DNAI1: variants seen among roughly 807,000 people sequenced by gnomAD.
DNAI1 encodes the protein dynein axonemal intermediate chain 1.
In DNAI1, 67 loss-of-function variants were observed where a neutral mutation model predicts 92.0. The observed-to-expected ratio is 0.73, with a 90% confidence interval of 0.60 to 0.89. DNAI1 has a LOEUF of 0.89. Among genes scored for constraint, DNAI1 ranks in the 40% least tolerant of loss-of-function variants. The pLI is 0.00. For synonymous variants in DNAI1, 323 were observed against 319.6 expected, an observed-to-expected ratio of 1.01 and a Z score of -0.11; for missense variants, 839 against 866.6, an observed-to-expected ratio of 0.97 and a Z score of 0.40.
At chr9:34,473,299 T>C (rs555301430) in intron 1 of DNAI1, among the ~76,000 whole-genome samples, 90 of 150,316 alleles carry the variant, frequency 6.0e-4, no homozygotes, top group Non-Finnish European at 1.1e-3. Flanking sequence ...TTATTATTAT[T>C]ATTATTATTT....
chr9:34,492,621 G>A (rs1353282043), intron 8 of DNAI1, among the ~76,000 whole-genome samples: 2 of 149,246 alleles, frequency 1.3e-5, no homozygotes, highest in East Asian at 4.0e-4. Flanking sequence ...CTGGGCTCAA[G>A]CGATCCTCCC....
intron 12 of DNAI1, among the ~76,000 whole-genome samples, chr9:34,502,345 C>T (rs1221549113): frequency 6.6e-6 from 1 of 152,184 alleles, no homozygotes; most frequent in Non-Finnish European, 1.5e-5. Flanking sequence ...GCACATTCCT[C>T]CCCCTCTGCT....
At chr9:34,501,096 T>C in intron 11 of DNAI1, 42 bp from the exon 12 acceptor site, 5 of 1,562,694 alleles carry the variant, frequency 3.2e-6, no homozygotes, top group Middle Eastern at 1.7e-4. Context: ...AGGAGGGCCA[T>C]GTTCATTTCC....
intron 4 of DNAI1, among the ~76,000 whole-genome samples, chr9:34,486,981 C>T (rs1236346930): frequency 6.6e-6 from 1 of 152,182 alleles, no homozygotes; most frequent in African/African-American, 2.4e-5. Flanking sequence ...ATAATATTCA[C>T]TTGTATGAAT....
In DNAI1 at chr9:34,517,332, C is replaced by A; in HGVS notation, c.1866C>A (p.Asn622Lys). The change falls in exon 19 of 20, where the codon AAC (asparagine) becomes AAA (lysine). Residue 622 changes from asparagine to lysine, a missense_variant. Physicochemically the swap from Asn to Lys is moderately conservative, Grantham distance 94. Transcript: ENST00000242317. Reference sequence around the variant, plus strand: ...TCAACAAGTATGAGGCCATCTGCAACCAGCCTGTGGCGGCCAAAAAGAACA... The same window carrying A: ...TCAACAAGTATGAGGCCATCTGCAAACAGCCTGTGGCGGCCAAAAAGAACA... Reference protein sequence around the residue: ...LAINKYEAICNQPVAAKKNRL... With the variant: ...LAINKYEAICKQPVAAKKNRL... 6.8e-6 allele frequency: 11 copies of A among 1,614,144 alleles called. No homozygotes were observed. The highest frequency in any genetic ancestry group is 9.3e-6 in the Non-Finnish European group (11 of 1,180,036).
chr9:34,491,896 A>G (rs1824607095), intron 8 of DNAI1, among the ~76,000 whole-genome samples: 1 of 152,150 alleles, frequency 6.6e-6, no homozygotes, highest in Non-Finnish European at 1.5e-5. Flanking sequence ...TGACTCTGTG[A>G]CTGACTCCAA....
chr9:34,505,063 T>C (rs367600282), intron 12 of DNAI1, among the ~76,000 whole-genome samples: 13 of 152,330 alleles, frequency 8.5e-5, no homozygotes, highest in African/African-American at 3.1e-4. Flanking sequence ...CAATTTTCCC[T>C]AAATGTCTAC....
intron 2 of DNAI1, among the ~76,000 whole-genome samples, chr9:34,484,170 G>A (rs985933375): frequency 6.6e-6 from 1 of 152,168 alleles, no homozygotes; most frequent in African/African-American, 2.4e-5. Flanking sequence ...AGCCGAGATC[G>A]TGCCGCTGCA....
chr9:34,518,177 G>C (rs1276420293), intron 19 of DNAI1, among the ~76,000 whole-genome samples: 2 of 152,260 alleles, frequency 1.3e-5, no homozygotes, highest in Non-Finnish European at 1.5e-5. Flanking sequence ...GCTAAGAGTA[G>C]AGATGGCTCT....
intron 19 of DNAI1, among the ~76,000 whole-genome samples, chr9:34,520,290 G>C (rs1462913058): frequency 1.3e-5 from 2 of 152,160 alleles, no homozygotes. Context: ...CCTTCCCATG[G>C]TAAGGATGGT....
intron 1 of DNAI1, among the ~76,000 whole-genome samples, chr9:34,469,264 T>TC (rs1448189987): frequency 1.4e-5 from 2 of 142,270 alleles, no homozygotes; most frequent in African/African-American, 5.2e-5. Context: ...GAATGGCTTT[T>TC]TTTTTTTTTT....
chr9:34,459,570 C>T (rs1263054047), intron 1 of DNAI1, among the ~76,000 whole-genome samples: 1 of 151,964 alleles, frequency 6.6e-6, no homozygotes, highest in Non-Finnish European at 1.5e-5. Context: ...TTCAGCCTGA[C>T]GAATAGCTGG....
intron 19 of DNAI1, 92 bp from the exon 20 acceptor site, chr9:34,520,566 C>T: frequency 8.4e-7 from 1 of 1,196,792 alleles, no homozygotes; most frequent in Non-Finnish European, 1.2e-6. Context: ...GGGTAGGGCA[C>T]AGCTGGACAG....
At position 34,500,814 on chromosome 9, in the gene DNAI1, C is replaced by T. The variant is rs182015909; in HGVS notation, c.994C>T (p.Arg332Cys). The T allele has an allele frequency of 1.4e-5, 23 of 1,614,072 alleles. No homozygotes were observed. Among genetic ancestry groups the T allele is most frequent in the South Asian group, 1.2e-4 (11 of 91,072 alleles). ...GAAGTTCCAAAATGACAAAGCCAAGCGCCTGTCCGTCACTGCCCTCTGCTG... is the reference window on the plus strand; with the variant it reads ...GAAGTTCCAAAATGACAAAGCCAAGTGCCTGTCCGTCACTGCCCTCTGCTG... ...LWKFQNDKAK[R>C]LSVTALCWNP... Residue 332 changes from arginine to cysteine, a missense_variant, in exon 11 of 20, where the codon CGC becomes TGC. Coordinates refer to ENST00000242317, the MANE Select transcript of DNAI1 (RefSeq NM_012144.4).
intron 13 of DNAI1, among the ~76,000 whole-genome samples, chr9:34,509,174 CA>C (rs1238567594): frequency 6.6e-6 from 1 of 151,982 alleles, no homozygotes; most frequent in Non-Finnish European, 1.5e-5. Context: ...GGGTGGGGAC[CA>C]GGGGGTGGAG....
rs764486701 is a variant in DNAI1 at position 34,490,373 on chromosome 9, C to A, written c.506C>A (p.Ala169Asp). ...CCTCTGGGTCTTTATTTTCAGGCAGCTGAAAAAGTGACTGAAGAAGAATTG... is the reference window on the plus strand; with the variant it reads ...CCTCTGGGTCTTTATTTTCAGGCAGATGAAAAAGTGACTGAAGAAGAATTG... ...SQTDVPAAGAAEKVTEEELMT... is the reference protein window; with the variant it reads ...SQTDVPAAGADEKVTEEELMT... The change falls in exon 7 of 20, where the codon GCT becomes GAT. Residue 169 changes from alanine (A) to aspartate (D), a missense_variant. Ala to Asp is a moderately radical substitution (Grantham distance 126). Transcript: ENST00000242317. The A allele has an allele frequency of 2.5e-6, 4 of 1,614,140 alleles. No individual in the cohort carries two copies. In the East Asian group the frequency reaches 8.9e-5, roughly 36 times the overall value.
At chr9:34,492,417 A>G (rs1201081898) in intron 8 of DNAI1, among the ~76,000 whole-genome samples, 1 of 142,976 alleles carries the variant, frequency 7.0e-6, no homozygotes, top group Non-Finnish European at 1.5e-5. Flanking sequence ...TAATGCTGAG[A>G]TGTGGTCAGT....
At chr9:34,514,819 C>T (rs1013363466) in intron 18 of DNAI1, 80 bp downstream of exon 18, 127 of 1,441,108 alleles carry the variant, frequency 8.8e-5, no homozygotes, top group Middle Eastern at 3.5e-4. Context: ...GATGGAGAAC[C>T]CATCCCATGC....
chr9:34,510,795 T>C (rs1825051042), intron 13 of DNAI1, among the ~76,000 whole-genome samples: 1 of 151,992 alleles, frequency 6.6e-6, no homozygotes, highest in Non-Finnish European at 1.5e-5. Context: ...CTCCCCCCTT[T>C]AAAGGGACCA....
Sources: gnomAD v4.1 joint callset for allele counts (sites outside exome capture counted in the v4.1 genomes callset) on GRCh38, gnomAD v4.1.1 for gene constraint, MANE v1.5 for transcripts, NCBI Gene and HGNC (gene_info 2026-07-23, HGNC 2026-07-21) for gene names.